CDH18: variants seen among roughly 807,000 people sequenced by gnomAD.
CDH18 encodes cadherin 18, also known as cadherin-18.
A neutral mutation model predicts 67.9 loss-of-function variants in CDH18; 31 were observed. That is an observed-to-expected ratio of 0.46 (90% confidence interval 0.34 to 0.62). The LOEUF is 0.62. Ranked by LOEUF, CDH18 falls within the 20% of genes least tolerant of loss-of-function variation. CDH18 has a pLI of 0.01. For missense variants in CDH18, 890 were observed against 975.5 expected, an observed-to-expected ratio of 0.91 and a Z score of 1.17; for synonymous variants, 362 against 347.2, an observed-to-expected ratio of 1.04 and a Z score of -0.48.
At chr5:20,512,934 G>T (rs1262286045) in intron 1 of CDH18, among the ~76,000 whole-genome samples, 2 of 151,372 alleles carry the variant, frequency 1.3e-5, no homozygotes, top group African/African-American at 4.9e-5. Flanking sequence ...CCTCCAAGGA[G>T]ACTTGGCCTA....
chr5:19,609,170 A>G (rs1008187142), intron 6 of CDH18, among the ~76,000 whole-genome samples: 13 of 151,954 alleles, frequency 8.6e-5, no homozygotes, highest in African/African-American at 3.1e-4. Flanking sequence ...GGAATTTTAT[A>G]TCTTTAGATG....
intron 5 of CDH18, among the ~76,000 whole-genome samples, chr5:19,697,760 A>G (rs1052530861): frequency 1.3e-5 from 2 of 152,158 alleles, no homozygotes; most frequent in African/African-American, 2.4e-5. Flanking sequence ...TCTTAATGAC[A>G]CCTATGCCAT....
chr5:20,519,010 T>C (rs1410952895), intron 1 of CDH18, among the ~76,000 whole-genome samples: 3 of 152,130 alleles, frequency 2.0e-5, no homozygotes, highest in East Asian at 1.9e-4. Context: ...TATTAGTATT[T>C]AGAAAACAGA....
intron 1 of CDH18, among the ~76,000 whole-genome samples, chr5:20,444,822 T>C (rs2150196858): frequency 6.6e-6 from 1 of 151,980 alleles, no homozygotes; most frequent in Non-Finnish European, 1.5e-5. Context: ...TGCGACTACA[T>C]TTTATAAAAA....
intron 11 of CDH18, among the ~76,000 whole-genome samples, chr5:19,485,526 A>C (rs1740253629): frequency 6.6e-6 from 1 of 152,160 alleles, no homozygotes; most frequent in African/African-American, 2.4e-5. Flanking sequence ...AAGTGCTGGG[A>C]TTACAGGCGT....
At chr5:20,311,288 A>G (rs1736965402) in intron 1 of CDH18, among the ~76,000 whole-genome samples, 1 of 151,222 alleles carries the variant, frequency 6.6e-6, no homozygotes, top group African/African-American at 2.5e-5. Flanking sequence ...CAGCAATCCC[A>G]TTACTGGGTA....
At chr5:19,625,881 G>T (rs1751463306) in intron 5 of CDH18, among the ~76,000 whole-genome samples, 1 of 152,050 alleles carries the variant, frequency 6.6e-6, no homozygotes, top group African/African-American at 2.4e-5. Context: ...AAGCACTCTA[G>T]CAAGGACTCA....
intron 1 of CDH18, among the ~76,000 whole-genome samples, chr5:20,498,780 T>G (rs1754063981): frequency 6.6e-6 from 1 of 152,064 alleles, no homozygotes. Flanking sequence ...ACGTGTCTTA[T>G]TTAAATATTT....
chr5:19,960,737 G>A (rs142598316), intron 2 of CDH18, among the ~76,000 whole-genome samples: 7,124 of 125,010 alleles, frequency 0.057, 1,283 homozygotes, highest in African/African-American at 0.27. Flanking sequence ...ACGTATATAC[G>A]TATACACGTG....
intron 2 of CDH18, among the ~76,000 whole-genome samples, chr5:19,874,224 C>T (rs987051925): frequency 1.3e-5 from 2 of 152,104 alleles, no homozygotes; most frequent in Admixed American, 6.5e-5. Context: ...GCATTGACCT[C>T]TCTGACCTGG....
chr5:19,556,815 A>G (rs765208124), intron 8 of CDH18, among the ~76,000 whole-genome samples: 1 of 152,166 alleles, frequency 6.6e-6, no homozygotes, highest in Non-Finnish European at 1.5e-5. Flanking sequence ...TCTCCTAGGC[A>G]CATAGTCATC....
chr5:19,754,235 A>G (rs1771231468), intron 3 of CDH18, among the ~76,000 whole-genome samples: 1 of 152,196 alleles, frequency 6.6e-6, no homozygotes, highest in African/African-American at 2.4e-5. Flanking sequence ...ATAAGAATTC[A>G]CCAACCAAGT....
At chr5:20,406,785 T>G (rs956448891) in intron 1 of CDH18, among the ~76,000 whole-genome samples, 1 of 152,198 alleles carries the variant, frequency 6.6e-6, no homozygotes, top group Non-Finnish European at 1.5e-5. Context: ...CTTCTTCCCA[T>G]AGACACACCA....
intron 5 of CDH18, among the ~76,000 whole-genome samples, chr5:19,708,870 A>G (rs1764307425): frequency 6.6e-6 from 1 of 151,954 alleles, no homozygotes; most frequent in Non-Finnish European, 1.5e-5. Context: ...TCCCCACTGT[A>G]TATTTCAGTG....
At chr5:19,937,782 T>G (rs1258112823) in intron 2 of CDH18, among the ~76,000 whole-genome samples, 1 of 150,918 alleles carries the variant, frequency 6.6e-6, no homozygotes, top group Non-Finnish European at 1.5e-5. Flanking sequence ...ACAAAAAAAT[T>G]TCAGCAGTTA....
intron 1 of CDH18, among the ~76,000 whole-genome samples, chr5:20,570,588 A>T (rs201694891): frequency 3.9e-5 from 6 of 152,276 alleles, no homozygotes; most frequent in East Asian, 3.9e-4. Context: ...TAATAAAATC[A>T]TGTTCTAGTC....
In CDH18 at chr5:19,928,057, C is replaced by T. The variant is rs572271599; in HGVS notation, c.-257+53003G>A. Among the ~76,000 whole-genome samples the T allele has an allele frequency of 3.3e-5, 5 of 152,240 alleles. No homozygotes were observed. In the South Asian group the frequency reaches 1.0e-3, roughly 32 times the overall value. On this transcript the variant is annotated intron_variant, in intron 2 of 12. Coordinates refer to ENST00000382275, the MANE Select transcript of CDH18 (RefSeq NM_004934.5). ...TGGTCATGCAGAGCTCTGAAAAACA[C>T]AGCCTGCCAGGGCTCCGTCCTGATT...
chr5:20,167,749 C>G (rs552659390), intron 2 of CDH18, among the ~76,000 whole-genome samples: 59 of 152,190 alleles, frequency 3.9e-4, no homozygotes, highest in African/African-American at 1.4e-3. Flanking sequence ...AATGAAGATC[C>G]CTTGAGTAGA....
intron 7 of CDH18, among the ~76,000 whole-genome samples, chr5:19,573,250 A>G (rs927455741): frequency 6.6e-6 from 1 of 150,992 alleles, no homozygotes; most frequent in Non-Finnish European, 1.5e-5. Context: ...TGCCAAAATA[A>G]CTAATACCTA....
Sources: gnomAD v4.1 joint callset for allele counts (sites outside exome capture counted in the v4.1 genomes callset) on GRCh38, gnomAD v4.1.1 for gene constraint, MANE v1.5 for transcripts, NCBI Gene and HGNC (gene_info 2026-07-23, HGNC 2026-07-21) for gene names.